Variants in RAD23B observed in about 807,000 individuals in gnomAD.
RAD23B encodes the protein RAD23 nucleotide excision repair protein B.
A neutral mutation model predicts 49.1 loss-of-function variants in RAD23B; 5 were observed. The observed-to-expected ratio is 0.10, with a 90% CI of 0.05 to 0.21. RAD23B has a LOEUF of 0.21. Ranked by LOEUF, RAD23B falls within the 10% of genes least tolerant of loss-of-function variation. The probability of loss-of-function intolerance (pLI) is 1.00; values close to 1 mark genes in which losing one functional copy is unlikely to be tolerated. For synonymous variants in RAD23B, 184 were observed against 165.4 expected, an observed-to-expected ratio of 1.11 and a Z score of -0.86; for missense variants, 356 against 486.7, an observed-to-expected ratio of 0.73 and a Z score of 2.53.
chr9:107,324,811 C>G, intron 8 of RAD23B, 23 bp from the exon 9 acceptor site: 1 of 1,559,514 alleles, frequency 6.4e-7, no homozygotes, highest in African/African-American at 1.4e-5. Context: ...TATTATTTTT[C>G]TCTGTCCTTC....
At chr9:107,313,179 T>C (rs1356268358) in intron 5 of RAD23B, among the ~76,000 whole-genome samples, 2 of 152,096 alleles carry the variant, frequency 1.3e-5, no homozygotes, top group Non-Finnish European at 2.9e-5. Context: ...TTCTCAAGCT[T>C]TCTAGTTAAT....
intron 6 of RAD23B, among the ~76,000 whole-genome samples, chr9:107,320,442 A>T (rs1041580040): frequency 3.9e-5 from 6 of 152,264 alleles, no homozygotes; most frequent in African/African-American, 1.4e-4. Context: ...AAAAATACAG[A>T]ATCATTGTTA....
intron 3 of RAD23B, among the ~76,000 whole-genome samples, chr9:107,304,200 A>G (rs1168116688): frequency 6.6e-6 from 1 of 152,224 alleles, no homozygotes; most frequent in African/African-American, 2.4e-5. Context: ...ACTGTTTAGA[A>G]TAAAGTATAA....
intron 2 of RAD23B, among the ~76,000 whole-genome samples, chr9:107,301,170 G>A (rs1471518577): frequency 1.3e-5 from 2 of 152,152 alleles, no homozygotes; most frequent in East Asian, 1.9e-4. Flanking sequence ...TGTGTACTTC[G>A]TGCATTTCTA....
intron 6 of RAD23B, among the ~76,000 whole-genome samples, chr9:107,321,197 T>A (rs1303785224): frequency 6.6e-6 from 1 of 152,084 alleles, no homozygotes; most frequent in Non-Finnish European, 1.5e-5. Flanking sequence ...TATATCGATT[T>A]TATGAATTTT....
intron 4 of RAD23B, among the ~76,000 whole-genome samples, chr9:107,309,492 AG>A (rs1317337827): frequency 6.6e-6 from 1 of 152,216 alleles, no homozygotes; most frequent in Admixed American, 6.5e-5. Flanking sequence ...GAAGAAAAGA[AG>A]GCAAGCGTTG....
At chr9:107,322,433 C>A (rs898560155) in intron 7 of RAD23B, among the ~76,000 whole-genome samples, 5 of 152,244 alleles carry the variant, frequency 3.3e-5, no homozygotes, top group Non-Finnish European at 5.9e-5. Context: ...ATGGTTTGCT[C>A]ACTTTGTCTC....
rs893928820 is a variant in RAD23B, at chr9:107,283,289, G to A, written c.-341G>A. On this transcript the variant is annotated 5_prime_UTR_variant, in exon 1 of 10. It removes an upstream start codon present in the reference 5' UTR. Coordinates refer to ENST00000358015, the MANE Select transcript of RAD23B (RefSeq NM_002874.5). ...GGGGCACGTCTCGGCGAGTCACGAT[G>A]ATGGCGGCCACCATCCTGTGGTGAG... The A allele has an allele frequency of 1.2e-5, 5 of 403,284 alleles. No individual in the cohort carries two copies. The highest frequency in any genetic ancestry group is 1.0e-4 in the African/African-American group (5 of 48,750). 25.0% of individuals were successfully genotyped at this position (403,284 alleles called of 1,614,324 possible).
At position 107,318,609 on chromosome 9, in the gene RAD23B, A is replaced by G. The variant is rs1449371749; in HGVS notation, c.554-143A>G. 2 of 889,640 alleles carry G rather than the reference A, an allele frequency of 2.2e-6. No homozygotes were observed. The highest frequency in any genetic ancestry group is 3.9e-4 in the Middle Eastern group (1 of 2,540). The allele number at this position is 889,640 out of a possible 1,614,324, so 55.1% of individuals were successfully genotyped here. ...TTTGGGGGACCATTACCTACTACAT[A>G]TATGTTGTAATTTATACTGTTACTC... On this transcript the variant is annotated intron_variant, in intron 5 of 9. Coordinates refer to ENST00000358015, the MANE Select transcript of RAD23B (RefSeq NM_002874.5). The surrounding 1 kb of genome is among the most constrained non-coding windows in gnomAD (Gnocchi z 4.3).
chr9:107,298,296 G>T (rs1338007710), intron 1 of RAD23B, among the ~76,000 whole-genome samples: 2 of 151,842 alleles, frequency 1.3e-5, no homozygotes, highest in South Asian at 2.1e-4. Flanking sequence ...AACTTTTGTC[G>T]ATATGCTTAC....
chr9:107,297,674 A>C (rs1826556012), intron 1 of RAD23B, among the ~76,000 whole-genome samples: 1 of 150,828 alleles, frequency 6.6e-6, no homozygotes, highest in South Asian at 2.1e-4. Flanking sequence ...TCTTTGAAGC[A>C]AAAGTTATTT....
rs55861606 is a variant in RAD23B, at chr9:107,319,136, T to C, written c.681+257T>C. 1.4e-3 allele frequency among the ~76,000 whole-genome samples: 189 copies of C among 135,336 alleles called. 1 individual carries two copies. The highest frequency in any genetic ancestry group is 2.4e-3 in the Non-Finnish European group (152 of 64,400). The allele number at this position is 135,336 out of a possible 152,430, so 88.8% of individuals were successfully genotyped here. ...ACAAAAATTTCTTTTTTCTTTTTTTTTTTTTTTTTTTTGAGACGGAGTCTC... is the reference window on the plus strand; with the variant it reads ...ACAAAAATTTCTTTTTTCTTTTTTTCTTTTTTTTTTTTGAGACGGAGTCTC... On this transcript the variant is annotated intron_variant, in intron 6 of 9. Transcript: ENST00000358015.
At chr9:107,328,596 G>A (rs1429734481) in intron 9 of RAD23B, among the ~76,000 whole-genome samples, 4 of 152,146 alleles carry the variant, frequency 2.6e-5, no homozygotes, top group South Asian at 4.1e-4. Context: ...GTGGTAATTC[G>A]AGTGATGGGG....
At chr9:107,294,459 T>C (rs1833448221) in intron 1 of RAD23B, among the ~76,000 whole-genome samples, 2 of 152,136 alleles carry the variant, frequency 1.3e-5, no homozygotes, top group South Asian at 4.1e-4. Context: ...AATGGGAGCA[T>C]TGGTGTGGGG....
At position 107,324,928 on chromosome 9, in the gene RAD23B, G is replaced by A; in HGVS notation, c.1040G>A (p.Gly347Glu). 1.9e-6 allele frequency: 3 copies of A among 1,613,730 alleles called. No individual in the cohort carries two copies. The South Asian group carries it at 3.3e-5, about 18-fold the overall frequency. ...GGAGGAGGAGGTGGAGGTGGCAGTG[G>A]AGGAATTGCAGAAGCTGGAAGTGGT... ...GQGGGGGGGS[G>E]GIAEAGSGHM... The change falls in exon 9 of 10, where the codon GGA becomes GAA. Residue 347 changes from glycine (G) to glutamate (E), a missense_variant. Around this residue, in one of 5 missense-constraint regions of RAD23B, gnomAD observed 148 missense variants for 231.7 expected, o/e 0.64. Coordinates refer to ENST00000358015, the MANE Select transcript of RAD23B (RefSeq NM_002874.5).
intron 5 of RAD23B, among the ~76,000 whole-genome samples, chr9:107,314,911 A>T (rs1182981807): frequency 6.6e-6 from 1 of 152,006 alleles, no homozygotes; most frequent in Non-Finnish European, 1.5e-5. Context: ...GCATTTTTTC[A>T]TGTTTGTTGG....
chr9:107,306,635 C>A lies in RAD23B; in HGVS notation c.485C>A (p.Thr162Lys), dbSNP rs748443238. 57 of 1,613,420 alleles carry A rather than the reference C, an allele frequency of 3.5e-5. No individual in the cohort carries two copies. The highest frequency in any genetic ancestry group is 4.2e-5 in the Non-Finnish European group (49 of 1,179,586). Residue 162 changes from threonine (T) to lysine (K), a missense_variant, in exon 4 of 10, where the codon ACA becomes AAA. Thr to Lys is a moderately conservative substitution (Grantham distance 78). This residue lies in a region of RAD23B where 137 missense variants were observed against 122.0 expected (regional missense o/e 1.12). Transcript: ENST00000358015. ...PAETPVATSP[T>K]ATDSTSGDSS... ...GAGACACCAGTGGCTACTAGCCCAA[C>A]AGCAACTGACAGGTAGGAACTGGAT...
intron 3 of RAD23B, among the ~76,000 whole-genome samples, chr9:107,304,104 G>A (rs1826712969): frequency 6.6e-6 from 1 of 150,762 alleles, no homozygotes; most frequent in Non-Finnish European, 1.5e-5. Flanking sequence ...ACTGAGAAAT[G>A]ACCTTATTAA....
At chr9:107,319,537 CAGATTTCTGGTTTAACTGGACAACTT>C (rs1827068263) in intron 6 of RAD23B, among the ~76,000 whole-genome samples, 1 of 152,074 alleles carries the variant, frequency 6.6e-6, no homozygotes, top group African/African-American at 2.4e-5. Context: ...CATAAAAGTA[CAGATTTCTGGTTTAACTGGACAACTT>C]TGATCCCAGA....
Sources: allele counts gnomAD v4.1 joint callset (sites outside exome capture counted in the v4.1 genomes callset), GRCh38; gene constraint gnomAD v4.1.1; regional missense constraint gnomAD v4.1.1; non-coding constraint Gnocchi (gnomAD v3.1); transcripts MANE v1.5; gene names NCBI Gene and HGNC (gene_info 2026-07-23, HGNC 2026-07-21).